The following ZC3H3 variants were observed in gnomAD, a reference collection of about 807,000 sequenced individuals.
ZC3H3 encodes the protein zinc finger CCCH-type containing 3.
Under a neutral mutation model 77.3 loss-of-function variants are expected in ZC3H3, and 36 were observed. The observed-to-expected ratio is 0.47, with a 90% CI of 0.36 to 0.61. ZC3H3 has a LOEUF of 0.61. ZC3H3 is among the 20% of genes least tolerant of loss of function. The pLI is 0.00. For missense variants in ZC3H3, 1,331 were observed against 1,312.2 expected, an observed-to-expected ratio of 1.01 and a Z score of -0.22; for synonymous variants, 626 against 555.2, an observed-to-expected ratio of 1.13 and a Z score of -1.79.
chr8:143,512,886 G>GC (rs1172801580), intron 3 of ZC3H3, among the ~76,000 whole-genome samples: 1 of 152,228 alleles, frequency 6.6e-6, no homozygotes, highest in African/African-American at 2.4e-5. Context: ...GGAGGTACAC[G>GC]CAGCGGGCAG....
chr8:143,442,445 G>A (rs868054812), intron 9 of ZC3H3, among the ~76,000 whole-genome samples: 2 of 128,940 alleles, frequency 1.6e-5, no homozygotes, highest in African/African-American at 5.7e-5. Flanking sequence ...GGGGGGGGGG[G>A]GGCAGGGGCA....
At chr8:143,503,112 TGG>T (rs1821575116) in intron 4 of ZC3H3, among the ~76,000 whole-genome samples, 1 of 152,178 alleles carries the variant, frequency 6.6e-6, no homozygotes, top group East Asian at 1.9e-4. Flanking sequence ...AGGTGGCACA[TGG>T]CCAGCACACC....
In ZC3H3 at chr8:143,446,286, T is replaced by A. The variant is rs185018006; in HGVS notation, c.2308-5166A>T. Reference sequence around the variant, plus strand: ...AATTTCTTATTCAAGACACTAAGGGTGCAAAATGTAAAGAAAACTATAAAA... The same window carrying A: ...AATTTCTTATTCAAGACACTAAGGGAGCAAAATGTAAAGAAAACTATAAAA... On this transcript the variant is annotated intron_variant, in intron 9 of 11. Transcript: ENST00000262577. Among the ~76,000 whole-genome samples, 454 of 152,238 alleles carry A rather than the reference T, an allele frequency of 3.0e-3. 1 individual carries two copies. Among genetic ancestry groups the A allele is most frequent in the Non-Finnish European group, 4.3e-3 (292 of 68,010 alleles).
chr8:143,528,952 G>A, intron 3 of ZC3H3, among the ~76,000 whole-genome samples: 1 of 152,240 alleles, frequency 6.6e-6, no homozygotes. Context: ...CAATAAGCCG[G>A]CAATTCCTGC....
chr8:143,504,967 A>G (rs1821642936), intron 4 of ZC3H3, among the ~76,000 whole-genome samples: 2 of 152,336 alleles, frequency 1.3e-5, no homozygotes, highest in South Asian at 4.1e-4. Context: ...TGAGGGCAAG[A>G]GGCCTAGATG....
chr8:143,515,046 C>CG (rs1821989963), intron 3 of ZC3H3, among the ~76,000 whole-genome samples: 1 of 152,222 alleles, frequency 6.6e-6, no homozygotes, highest in Admixed American at 6.5e-5. Context: ...GCTCAGGGAG[C>CG]GTGCCATGCC....
intron 3 of ZC3H3, among the ~76,000 whole-genome samples, chr8:143,516,983 G>A (rs1822077227): frequency 6.6e-6 from 1 of 152,206 alleles, no homozygotes; most frequent in Non-Finnish European, 1.5e-5. Flanking sequence ...TGGGATCCGT[G>A]CTCTCTGTTG....
At chr8:143,472,670 C>T (rs1365435382) in intron 5 of ZC3H3, among the ~76,000 whole-genome samples, 1 of 152,222 alleles carries the variant, frequency 6.6e-6, no homozygotes, top group Non-Finnish European at 1.5e-5. Flanking sequence ...GTGCACCTCC[C>T]CACACAGGCC....
Position 143,541,360 on chromosome 8 carries a change from C to T in ZC3H3, c.46+16G>A. ...GGAAAGAAGGGGACTCGCGTCCCGG[C>T]CCCGGCCGGACCTACCCTGCAGTAG... On this transcript the variant is annotated intron_variant, in intron 1 of 11. Coordinates refer to ENST00000262577, the MANE Select transcript of ZC3H3 (RefSeq NM_015117.3). 6.2e-7 allele frequency: 1 copy of T among 1,608,178 alleles called. No individual in the cohort carries two copies. Among genetic ancestry groups the T allele is most frequent in the Non-Finnish European group, 8.5e-7 (1 of 1,178,188 alleles).
At chr8:143,452,868 G>A (rs1820023655) in intron 9 of ZC3H3, among the ~76,000 whole-genome samples, 1 of 152,164 alleles carries the variant, frequency 6.6e-6, no homozygotes, top group South Asian at 2.1e-4. Context: ...TGGAGATGCA[G>A]AAACAGAGCA....
At chr8:143,461,370 T>C (rs1341225874) in intron 9 of ZC3H3, among the ~76,000 whole-genome samples, 1 of 152,076 alleles carries the variant, frequency 6.6e-6, no homozygotes, top group Non-Finnish European at 1.5e-5. Context: ...AGCGAGGAAG[T>C]AAGCAAGACG....
chr8:143,459,820 G>A (rs1820210963), intron 9 of ZC3H3, among the ~76,000 whole-genome samples: 1 of 152,148 alleles, frequency 6.6e-6, no homozygotes, highest in Admixed American at 6.5e-5. Flanking sequence ...CTTCCTCAGT[G>A]TGGTAAACTC....
intron 4 of ZC3H3, among the ~76,000 whole-genome samples, chr8:143,490,781 G>A (rs575358162): frequency 1.2e-4 from 19 of 152,274 alleles, no homozygotes; most frequent in African/African-American, 4.1e-4. Flanking sequence ...CATGAGTGGT[G>A]GTAGGTGCCT....
At chr8:143,458,415 G>A (rs1563838656) in intron 9 of ZC3H3, among the ~76,000 whole-genome samples, 1 of 148,246 alleles carries the variant, frequency 6.7e-6, no homozygotes, top group Admixed American at 6.7e-5. Context: ...GGGAGGCAGA[G>A]GTGGGAGGAT....
intron 9 of ZC3H3, among the ~76,000 whole-genome samples, chr8:143,446,475 A>G (rs980314415): frequency 3.9e-5 from 6 of 152,194 alleles, no homozygotes; most frequent in Non-Finnish European, 7.3e-5. Context: ...AGTCAGTAAG[A>G]ATCAAACAAC....
At position 143,538,823 on chromosome 8, in the gene ZC3H3, T is replaced by A. The variant is rs368103833; in HGVS notation, c.544A>T (p.Thr182Ser). ...QPSRPTRARG[T>S]CSVEDPLLVC... ...AGAAGAGGATCTTCCACACTGCAGG[T>A]CCCCCTGGCTCTTGTTGGCCTCGAG... The change falls in exon 2 of 12, where the codon ACC becomes TCC. Residue 182 changes from threonine to serine, a missense_variant. This residue lies in a region of ZC3H3 where 978 missense variants were observed against 915.5 expected (regional missense o/e 1.07). Transcript: ENST00000262577. The A allele has an allele frequency of 3.7e-6, 6 of 1,612,008 alleles. No individual in the cohort carries two copies. Among genetic ancestry groups the A allele is most frequent in the Non-Finnish European group, 5.1e-6 (6 of 1,179,664 alleles).
intron 3 of ZC3H3, among the ~76,000 whole-genome samples, chr8:143,518,494 C>T (rs923649299): frequency 1.3e-5 from 2 of 152,256 alleles, no homozygotes; most frequent in African/African-American, 2.4e-5. Flanking sequence ...AGAGAAACGA[C>T]GTGTCCCGCT....
intron 3 of ZC3H3, among the ~76,000 whole-genome samples, chr8:143,526,963 G>A (rs1368047279): frequency 6.6e-6 from 1 of 152,184 alleles, no homozygotes; most frequent in Non-Finnish European, 1.5e-5. Context: ...TGCTGGCCAT[G>A]CCTGAAGATA....
intron 3 of ZC3H3, among the ~76,000 whole-genome samples, chr8:143,523,162 T>C (rs752668181): frequency 6.6e-6 from 1 of 152,206 alleles, no homozygotes; most frequent in Non-Finnish European, 1.5e-5. Flanking sequence ...CTTTCAGCAG[T>C]GCTGGCCACT....
Sources: allele counts gnomAD v4.1 joint callset (sites outside exome capture counted in the v4.1 genomes callset), GRCh38; gene constraint gnomAD v4.1.1; regional missense constraint gnomAD v4.1.1; transcripts MANE v1.5; gene names NCBI Gene and HGNC (gene_info 2026-07-23, HGNC 2026-07-21).